CNTN1: variants seen among roughly 807,000 people sequenced by gnomAD.
The protein encoded by CNTN1 is contactin 1.
A neutral mutation model predicts 126.4 loss-of-function variants in CNTN1; 38 were observed. That is an observed-to-expected ratio of 0.30 (90% CI 0.23 to 0.39). The LOEUF (loss-of-function observed/expected upper bound fraction) is 0.39. CNTN1 is among the 10% of genes least tolerant of loss of function. The probability of loss-of-function intolerance (pLI) is 1.00; values close to 1 mark genes in which losing one functional copy is unlikely to be tolerated. For missense variants in CNTN1, 1,009 were observed against 1,248.4 expected, an observed-to-expected ratio of 0.81 and a Z score of 2.89; for synonymous variants, 413 against 422.6, an observed-to-expected ratio of 0.98 and a Z score of 0.28.
intron 1 of CNTN1, among the ~76,000 whole-genome samples, chr12:40,786,561 A>G (rs902611322): frequency 3.9e-5 from 6 of 152,280 alleles, no homozygotes; most frequent in Non-Finnish European, 8.8e-5. Flanking sequence ...GGTTGCTTTG[A>G]ATATTATTAG....
chr12:40,812,359 T>C (rs1941096326), intron 1 of CNTN1, among the ~76,000 whole-genome samples: 1 of 152,150 alleles, frequency 6.6e-6, no homozygotes, highest in African/African-American at 2.4e-5. Context: ...TCTGCTGCTG[T>C]TGGATGGAAT....
intron 18 of CNTN1, among the ~76,000 whole-genome samples, chr12:41,016,393 G>C (rs1280046380): frequency 1.3e-5 from 2 of 152,064 alleles, no homozygotes; most frequent in Non-Finnish European, 2.9e-5. Flanking sequence ...GGGGTGGGAG[G>C]AGTCACATAA....
At chr12:40,761,999 A>G (rs1300219000) in intron 1 of CNTN1, among the ~76,000 whole-genome samples, 2 of 152,162 alleles carry the variant, frequency 1.3e-5, no homozygotes, top group Non-Finnish European at 2.9e-5. Context: ...GGACACTTCT[A>G]CAATACACAT....
chr12:40,900,438 A>AGT (rs151133326), intron 1 of CNTN1, among the ~76,000 whole-genome samples: 9 of 151,966 alleles, frequency 5.9e-5, no homozygotes, highest in Non-Finnish European at 1.2e-4. Context: ...ACATTTTGGG[A>AGT]GTGTGTGTGT....
At chr12:41,019,686 G>A (rs905202758) in intron 19 of CNTN1, among the ~76,000 whole-genome samples, 1 of 151,824 alleles carries the variant, frequency 6.6e-6, no homozygotes, top group African/African-American at 2.4e-5. Context: ...ATGCCCAGTT[G>A]GAAGATTAGA....
chr12:40,856,717 C>T (rs1202278970), intron 1 of CNTN1, among the ~76,000 whole-genome samples: 1 of 152,024 alleles, frequency 6.6e-6, no homozygotes, highest in Non-Finnish European at 1.5e-5. Flanking sequence ...GGAAGATTTG[C>T]CAAAGTATGT....
chr12:41,042,916 A>G (rs1390894333), intron 23 of CNTN1, among the ~76,000 whole-genome samples: 1 of 152,220 alleles, frequency 6.6e-6, no homozygotes, highest in Non-Finnish European at 1.5e-5. Flanking sequence ...TCCCTATTTA[A>G]TAAATGGTGC....
chr12:40,851,630 C>A (rs1171868028), intron 1 of CNTN1, among the ~76,000 whole-genome samples: 2 of 152,124 alleles, frequency 1.3e-5, no homozygotes, highest in Admixed American at 1.3e-4. Flanking sequence ...CAGCCAGGTC[C>A]AGGTCCATTC....
At chr12:40,787,018 A>G (rs1940048309) in intron 1 of CNTN1, among the ~76,000 whole-genome samples, 2 of 152,242 alleles carry the variant, frequency 1.3e-5, no homozygotes, top group South Asian at 4.1e-4. Context: ...ATTTGTCATC[A>G]GCTCACTATG....
intron 3 of CNTN1, among the ~76,000 whole-genome samples, chr12:40,916,054 C>G (rs573519415): frequency 6.6e-6 from 1 of 152,066 alleles, no homozygotes; most frequent in African/African-American, 2.4e-5. Flanking sequence ...TATCGAAGTA[C>G]TTAGAAGATC....
intron 1 of CNTN1, among the ~76,000 whole-genome samples, chr12:40,859,064 G>A (rs554604099): frequency 4.3e-4 from 66 of 152,154 alleles, no homozygotes; most frequent in African/African-American, 1.6e-3. Context: ...GATAGGTGCA[G>A]CAAACCACCA....
chr12:41,035,671 A>T (rs999846283), intron 23 of CNTN1, among the ~76,000 whole-genome samples: 3 of 152,232 alleles, frequency 2.0e-5, no homozygotes, highest in African/African-American at 7.2e-5. Flanking sequence ...TGATTAGGTC[A>T]AGCCTCACTA....
chr12:40,985,202 C>T (rs183786835), intron 16 of CNTN1, among the ~76,000 whole-genome samples: 4 of 151,976 alleles, frequency 2.6e-5, no homozygotes, highest in African/African-American at 9.6e-5. Flanking sequence ...TTTTTCACTG[C>T]TTTGAATATG....
chr12:41,011,861 C>T (rs1223938267), intron 17 of CNTN1, among the ~76,000 whole-genome samples: 2 of 152,074 alleles, frequency 1.3e-5, no homozygotes, highest in African/African-American at 4.8e-5. Context: ...TAATTAAGTA[C>T]CATTCTAATT....
At chr12:40,845,649 G>T (rs1299196457) in intron 1 of CNTN1, among the ~76,000 whole-genome samples, 2 of 152,050 alleles carry the variant, frequency 1.3e-5, no homozygotes, top group Non-Finnish European at 2.9e-5. Flanking sequence ...ATTTCCACCC[G>T]CCAGCCTCTG....
intron 17 of CNTN1, among the ~76,000 whole-genome samples, chr12:41,010,167 C>T (rs1352038222): frequency 6.6e-6 from 1 of 152,044 alleles, no homozygotes; most frequent in Admixed American, 6.6e-5. Flanking sequence ...CTTCAATTTC[C>T]AGAATCACCC....
intron 15 of CNTN1, among the ~76,000 whole-genome samples, chr12:40,977,122 TG>T (rs1387644946): frequency 3.3e-5 from 5 of 152,230 alleles, no homozygotes; most frequent in Admixed American, 2.0e-4. Flanking sequence ...AGATGTACAT[TG>T]GTTCCATCTG....
rs1481131852 is a variant in CNTN1, at chr12:41,069,970, C to G, written c.2992C>G (p.Leu998Val). The change falls in exon 24 of 24, where the codon CTA becomes GTA. Residue 998 changes from leucine to valine, a missense_variant. Coordinates refer to ENST00000551295, the MANE Select transcript of CNTN1 (RefSeq NM_001843.4). ...GGTTTACCTTGCAGGTGCACCCACC[C>G]TATCCCCAAGTCTTCTCGGCTTACT... ...SQVKISGAPT[L>V]SPSLLGLLLP... 1 of 1,613,776 alleles carries G rather than the reference C, an allele frequency of 6.2e-7. No individual in the cohort carries two copies. The highest frequency in any genetic ancestry group is 8.5e-7 in the Non-Finnish European group (1 of 1,179,914).
intron 1 of CNTN1, among the ~76,000 whole-genome samples, chr12:40,733,788 T>C (rs968270049): frequency 6.6e-6 from 1 of 152,100 alleles, no homozygotes; most frequent in Admixed American, 6.6e-5. Flanking sequence ...AAAGTTTGTC[T>C]CTGAAAGAGT....
Sources: allele counts gnomAD v4.1 joint callset (sites outside exome capture counted in the v4.1 genomes callset), GRCh38; gene constraint gnomAD v4.1.1; transcripts MANE v1.5; gene names NCBI Gene and HGNC (gene_info 2026-07-23, HGNC 2026-07-21).